DNAH2: variants seen among roughly 807,000 people sequenced by gnomAD.
The protein encoded by DNAH2 is axonemal beta dynein heavy chain 2.
In DNAH2, 323 loss-of-function variants were observed where a neutral mutation model predicts 523.5. That is an observed-to-expected ratio of 0.62 (90% CI 0.56 to 0.68). DNAH2 has a LOEUF of 0.68. DNAH2 is among the 30% of genes least tolerant of loss of function. DNAH2 has a pLI of 0.00. For missense variants in DNAH2, 4,907 were observed against 5,701.5 expected (o/e 0.86, Z 4.49); for synonymous variants, 2,093 against 2,177.4 (o/e 0.96, Z 1.08).
At position 7,824,697 on chromosome 17, in the gene DNAH2, C is replaced by A; in HGVS notation, c.11823C>A (p.Val3941=). ...HPDFPISILQ[V]SIKMTTEPPK... is the part of the protein sequence containing the mutation. ...ACTTCCCTATCTCAATCTTGCAGGT[C>A]AGCATCAAGATGACCACAGAGCCAC... Residue 3941 remains valine, a synonymous_variant, in exon 77 of 86, where the codon GTC becomes GTA. Transcript: ENST00000572933. 6.3e-7 allele frequency: 1 copy of A among 1,591,068 alleles called. No individual in the cohort carries two copies.
Position 7,780,382 on chromosome 17 carries a change from C to T in DNAH2, c.5850+98C>T. On this transcript the variant is annotated intron_variant, in intron 37 of 85. Coordinates refer to ENST00000572933, the MANE Select transcript of DNAH2 (RefSeq NM_020877.5). The surrounding 1 kb of genome is among the most constrained non-coding windows in gnomAD (Gnocchi z 4.4). ...CCAAGGGCCTCACAATCAGCTTATC[C>T]TCTAAGGAACTTAGACTATTGTCAG... The T allele has an allele frequency of 3.9e-6, 6 of 1,556,104 alleles. No individual in the cohort carries two copies. The highest frequency in any genetic ancestry group is 5.3e-6 in the Non-Finnish European group (6 of 1,141,758).
In DNAH2 at chr17:7,833,529, GCTGAGA is replaced by G; in HGVS notation, c.13282_*3del. 6.2e-7 allele frequency: 1 copy of G among 1,613,632 alleles called. No homozygotes were observed. Among genetic ancestry groups the G allele is most frequent in the Non-Finnish European group, 8.5e-7 (1 of 1,179,996 alleles). ...ACTGCTCTACTCATGAGCCTGGACA[GCTGAGA>G]CCTCCTCCTCTTCTCCGCTTGAGAG... is the stretch of plus-strand genomic sequence containing the variant. On this transcript the variant is annotated stop_lost and 3_prime_UTR_variant, in exon 86 of 86. Coordinates refer to ENST00000572933, the MANE Select transcript of DNAH2 (RefSeq NM_020877.5).
rs753208740 is a variant in DNAH2, at chr17:7,817,413, A to T, written c.10018A>T (p.Lys3340Ter). The T allele has an allele frequency of 6.2e-7, 1 of 1,613,968 alleles. No individual in the cohort carries two copies. Among genetic ancestry groups the T allele is most frequent in the Non-Finnish European group, 8.5e-7 (1 of 1,179,996 alleles). The part of the protein sequence containing the change: ...DEIVNQIWIG[K>*]IWELQVPCSP... ...GATTGTCAACCAAATCTGGATCGGG[A>T]AGGTGAGATGGGACTCAGGCATGAC... The change falls in exon 65 of 86, where the codon AAG (lysine) becomes TAG (stop). Residue 3340 changes from lysine to a stop codon, truncating the protein, a stop_gained and splice_region_variant. Coordinates refer to ENST00000572933, the MANE Select transcript of DNAH2 (RefSeq NM_020877.5). LOFTEE classifies it high-confidence loss of function.
intron 63 of DNAH2, among the ~76,000 whole-genome samples, chr17:7,815,454 G>C (rs1001399285): frequency 6.6e-6 from 1 of 152,136 alleles, no homozygotes; most frequent in African/African-American, 2.4e-5. Flanking sequence ...GATACAGTCT[G>C]TAACCAGGCA....
chr17:7,734,166 A>G lies in DNAH2; in HGVS notation c.629-17A>G. On this transcript the variant is annotated splice_polypyrimidine_tract_variant and intron_variant, in intron 5 of 85. Coordinates refer to ENST00000572933, the MANE Select transcript of DNAH2 (RefSeq NM_020877.5). ...CTCATCCCCTCTGTCCACTTCCACAAACTTTCCTTTCCTTAGACACTCGGT... is the reference window on the plus strand; with the variant it reads ...CTCATCCCCTCTGTCCACTTCCACAGACTTTCCTTTCCTTAGACACTCGGT... The G allele has an allele frequency of 1.3e-6, 2 of 1,570,066 alleles. No homozygotes were observed. Among genetic ancestry groups the G allele is most frequent in the Non-Finnish European group, 1.7e-6 (2 of 1,156,486 alleles).
chr17:7,754,499 A>G lies in DNAH2; in HGVS notation c.1905-2592A>G, dbSNP rs7224896. 4,227 of 800,282 alleles carry G rather than the reference A, an allele frequency of 5.3e-3. 116 individuals are homozygous for G. The African/African-American group carries it at 0.056, about 11-fold the overall frequency. 49.6% of individuals were successfully genotyped at this position (800,282 alleles called of 1,614,324 possible). On this transcript the variant is annotated intron_variant, in intron 12 of 85. Transcript: ENST00000572933. The surrounding 1 kb of genome is among the most constrained non-coding windows in gnomAD (Gnocchi z 4.6). ...AAATCTCTTAAGGGGGTGGACTCCA[A>G]GTTCCTGAGGAACATGCGCTTTGCC... is the stretch of plus-strand genomic sequence containing the variant.
At chr17:7,725,084 T>A (rs954639605) in intron 3 of DNAH2, among the ~76,000 whole-genome samples, 1 of 151,260 alleles carries the variant, frequency 6.6e-6, no homozygotes, top group African/African-American at 2.4e-5. Context: ...ACAAAACATT[T>A]TATTTGTATT....
intron 44 of DNAH2, among the ~76,000 whole-genome samples, chr17:7,790,152 T>C (rs1016661008): frequency 1.3e-5 from 2 of 152,200 alleles, no homozygotes; most frequent in African/African-American, 4.8e-5. Context: ...AAGAAAGATA[T>C]CTGTCACGTG....
chr17:7,732,434 CAAAA>C (rs796065817), intron 4 of DNAH2, among the ~76,000 whole-genome samples: 145 of 54,614 alleles, frequency 2.7e-3, no homozygotes, highest in African/African-American at 8.1e-3. Context: ...GACTCCATCT[CAAAA>C]AAAAAAAAAA....
chr17:7,810,042 C>CTTCTTTCTT (rs1372239425), intron 63 of DNAH2, among the ~76,000 whole-genome samples: 1 of 147,822 alleles, frequency 6.8e-6, no homozygotes, highest in Non-Finnish European at 1.5e-5. Context: ...CCTTCCTTTT[C>CTTCTTTCTT]TTCTTTCTTT....
intron 63 of DNAH2, among the ~76,000 whole-genome samples, chr17:7,811,801 G>C (rs537891435): frequency 6.6e-6 from 1 of 152,282 alleles, no homozygotes; most frequent in South Asian, 2.1e-4. Context: ...ATTTGAGTGA[G>C]ACATGACATT....
At chr17:7,791,422 G>T (rs1430635104) in intron 44 of DNAH2, among the ~76,000 whole-genome samples, 2 of 152,116 alleles carry the variant, frequency 1.3e-5, no homozygotes, top group Non-Finnish European at 2.9e-5. Context: ...ACTGCAACAT[G>T]TCCGTTAAAT....
intron 77 of DNAH2, among the ~76,000 whole-genome samples, chr17:7,829,701 C>A (rs1350220691): frequency 6.6e-6 from 1 of 151,948 alleles, no homozygotes; most frequent in Non-Finnish European, 1.5e-5. Context: ...GCCTACCTAC[C>A]ACTGAGAACA....
At chr17:7,793,581 T>G (rs750849399) in intron 48 of DNAH2, among the ~76,000 whole-genome samples, 1 of 151,768 alleles carries the variant, frequency 6.6e-6, no homozygotes, top group Non-Finnish European at 1.5e-5. Flanking sequence ...CTTTTTTTCT[T>G]TCTTTCAGAC....
intron 58 of DNAH2, 41 bp from the exon 59 acceptor site, chr17:7,804,215 A>G (rs1280030850): frequency 6.2e-7 from 1 of 1,606,620 alleles, no homozygotes; most frequent in Non-Finnish European, 8.5e-7. Context: ...CGCTTTCCGG[A>G]AGCCCCGCCT....
At position 7,775,304 on chromosome 17, in the gene DNAH2, G is replaced by A. The variant is rs775041217; in HGVS notation, c.4783G>A (p.Asp1595Asn). 1.2e-6 allele frequency: 2 copies of A among 1,613,268 alleles called. No homozygotes were observed. The highest frequency in any genetic ancestry group is 2.7e-5 in the African/African-American group (2 of 74,908). ...GMFSGDGEYI[D>N]FLHSVFLEGP... ...GTTCTCGGGCGACGGCGAGTACATTGACTTCCTCCACTCAGTATTTTTAGA... is the reference window on the plus strand; with the variant it reads ...GTTCTCGGGCGACGGCGAGTACATTAACTTCCTCCACTCAGTATTTTTAGA... The change falls in exon 30 of 86, where the codon GAC (aspartate) becomes AAC (asparagine). Residue 1595 changes from aspartate (D) to asparagine (N), a missense_variant. This residue lies in a region of DNAH2 where 2,806 missense variants were observed against 3,190.8 expected (regional missense o/e 0.88). Coordinates refer to ENST00000572933, the MANE Select transcript of DNAH2 (RefSeq NM_020877.5).
At chr17:7,826,270 T>A (rs1227783956) in intron 77 of DNAH2, among the ~76,000 whole-genome samples, 2 of 151,978 alleles carry the variant, frequency 1.3e-5, no homozygotes, top group African/African-American at 4.8e-5. Context: ...TCCACCCACC[T>A]TGGCTTCCCA....
chr17:7,792,606 G>A (rs755394890), intron 46 of DNAH2, 51 bp from the exon 47 acceptor site: 11 of 1,477,930 alleles, frequency 7.4e-6, no homozygotes, highest in Non-Finnish European at 1.0e-5. Context: ...AGTGGGAGTT[G>A]GAAAGGAGTG....
chr17:7,727,400 G>A (rs868543407), intron 4 of DNAH2, 108 bp downstream of exon 4: 2 of 1,404,692 alleles, frequency 1.4e-6, no homozygotes, highest in Middle Eastern at 1.9e-4. Context: ...ACGGCCTATT[G>A]AGCCCCACTG....
Sources: allele counts gnomAD v4.1 joint callset (sites outside exome capture counted in the v4.1 genomes callset), GRCh38; gene constraint gnomAD v4.1.1; regional missense constraint gnomAD v4.1.1; non-coding constraint Gnocchi (gnomAD v3.1); transcripts MANE v1.5; gene names NCBI Gene and HGNC (gene_info 2026-07-23, HGNC 2026-07-21).